The following SLMAP variants were observed in gnomAD, a reference collection of about 807,000 sequenced individuals.
The protein encoded by SLMAP is sarcolemma associated protein.
In SLMAP, 44 loss-of-function variants were observed where a neutral mutation model predicts 128.8. That is an observed-to-expected ratio of 0.34 (90% CI 0.27 to 0.44). SLMAP has a LOEUF of 0.44. Among genes scored for constraint, SLMAP ranks in the 20% least tolerant of loss-of-function variants. The probability of loss-of-function intolerance (pLI) is 1.00; values close to 1 mark genes in which losing one functional copy is unlikely to be tolerated. For missense variants in SLMAP, 787 were observed against 985.3 expected (o/e 0.80, Z 2.69); for synonymous variants, 327 against 348.8 (o/e 0.94, Z 0.70).
intron 23 of SLMAP, 55 bp downstream of exon 23, chr3:57,923,078 A>G: frequency 6.4e-7 from 1 of 1,555,296 alleles, no homozygotes; most frequent in East Asian, 2.3e-5. Context: ...GAGAGATTGA[A>G]ATTGATTTTC....
chr3:57,925,818 G>T (rs906680093), intron 23 of SLMAP, 27 bp from the exon 24 acceptor site: 1 of 1,486,926 alleles, frequency 6.7e-7, no homozygotes, highest in Non-Finnish European at 9.2e-7. Context: ...AGCATAAAAT[G>T]ATTTTAATAT....
chr3:57,799,636 A>G lies in SLMAP; in HGVS notation c.199-31747A>G, dbSNP rs188700124. Among the ~76,000 whole-genome samples the G allele has an allele frequency of 1.6e-3, 240 of 152,272 alleles. 1 individual carries two copies. The highest frequency in any genetic ancestry group is 2.2e-3 in the Non-Finnish European group (149 of 68,028). ...AGTTAAAATTTCCATTTTTTAATAT[A>G]TAAGAGGCTGATAACATGTTTGCTT... is the stretch of plus-strand genomic sequence containing the variant. On this transcript the variant is annotated intron_variant, in intron 2 of 24. Coordinates refer to ENST00000671191, the MANE Select transcript of SLMAP (RefSeq NM_001377540.1).
At chr3:57,862,932 G>C (rs2095154393) in intron 10 of SLMAP, among the ~76,000 whole-genome samples, 1 of 152,174 alleles carries the variant, frequency 6.6e-6, no homozygotes, top group Admixed American at 6.6e-5. Context: ...TGTAAATGCT[G>C]ACATAGTTCC....
At chr3:57,818,793 C>A (rs1036994881) in intron 2 of SLMAP, among the ~76,000 whole-genome samples, 11 of 152,168 alleles carry the variant, frequency 7.2e-5, no homozygotes, top group South Asian at 2.1e-4. Flanking sequence ...GCTCCAAAAA[C>A]TTCCTAGGGA....
chr3:57,892,276 C>T (rs1338683556), intron 15 of SLMAP, among the ~76,000 whole-genome samples: 1 of 152,152 alleles, frequency 6.6e-6, no homozygotes, highest in Non-Finnish European at 1.5e-5. Context: ...CTGAAAATAG[C>T]AGTTGCCATA....
intron 2 of SLMAP, among the ~76,000 whole-genome samples, chr3:57,792,947 G>A (rs2085849954): frequency 2.0e-5 from 3 of 151,970 alleles, no homozygotes; most frequent in Admixed American, 2.0e-4. Context: ...GACCAGCCTG[G>A]GCAACATGGC....
At chr3:57,871,873 G>A (rs1227260621) in intron 14 of SLMAP, among the ~76,000 whole-genome samples, 175 bp downstream of exon 14, 1 of 152,190 alleles carries the variant, frequency 6.6e-6, no homozygotes, top group Non-Finnish European at 1.5e-5. Context: ...AAGTATTTCT[G>A]TTGCATTTGC....
At chr3:57,926,640 A>G (rs2097014647) in intron 24 of SLMAP, among the ~76,000 whole-genome samples, 2 of 152,254 alleles carry the variant, frequency 1.3e-5, no homozygotes, top group Admixed American at 1.3e-4. Flanking sequence ...AAAAGCTAGC[A>G]GGCAACAGCC....
chr3:57,859,062 G>A (rs1280181460), intron 8 of SLMAP, among the ~76,000 whole-genome samples: 1 of 152,152 alleles, frequency 6.6e-6, no homozygotes, highest in Non-Finnish European at 1.5e-5. Context: ...AGTGGCTCAT[G>A]CCTGTAATCC....
chr3:57,778,570 C>CTTTTTTTTTTTTTTTTTTTTTTT (rs1171049495), intron 2 of SLMAP, among the ~76,000 whole-genome samples: 2 of 115,126 alleles, frequency 1.7e-5, no homozygotes, highest in African/African-American at 3.1e-5. Context: ...TTCTTTCTTT[C>CTTTTTTTTTTTTTTTTTTTTTTT]TTTTTTTTTT....
At chr3:57,843,094 G>C (rs1454637644) in intron 4 of SLMAP, among the ~76,000 whole-genome samples, 1 of 152,070 alleles carries the variant, frequency 6.6e-6, no homozygotes, top group South Asian at 2.1e-4. Flanking sequence ...TTCTATTACT[G>C]TAAACTAATT....
At chr3:57,882,228 G>A (rs763588193) in intron 14 of SLMAP, among the ~76,000 whole-genome samples, 21 of 152,174 alleles carry the variant, frequency 1.4e-4, no homozygotes, top group Admixed American at 5.2e-4. Flanking sequence ...TAACTGTTGG[G>A]GTTATTAGAA....
chr3:57,821,930 C>T (rs1265524782), intron 2 of SLMAP, among the ~76,000 whole-genome samples: 1 of 151,936 alleles, frequency 6.6e-6, no homozygotes, highest in African/African-American at 2.4e-5. Context: ...CCTCCTCCTC[C>T]TCCTCCTCCT....
At chr3:57,913,119 T>C (rs1439673322) in intron 20 of SLMAP, 39 bp from the exon 21 acceptor site, 2 of 943,072 alleles carry the variant, frequency 2.1e-6, no homozygotes, top group Non-Finnish European at 3.4e-6. Context: ...ATGGAAGTTA[T>C]ATTTCTGTAT....
Position 57,922,989 on chromosome 3 carries a change from A to G in SLMAP, c.2411A>G (p.Asn804Ser). The G allele has an allele frequency of 6.2e-7, 1 of 1,614,004 alleles. No homozygotes were observed. Among genetic ancestry groups the G allele is most frequent in the East Asian group, 2.2e-5 (1 of 44,866 alleles). Residue 804 changes from asparagine to serine, a missense_variant, in exon 23 of 25, where the codon AAC (asparagine) becomes AGC (serine). Coordinates refer to ENST00000671191, the MANE Select transcript of SLMAP (RefSeq NM_001377540.1). Reference sequence around the variant, plus strand: ...ACAGATGAGCTCAAACAGTGTAAAAACAACCTGAAGCTGCTCCGAGAGAAA... The same window carrying G: ...ACAGATGAGCTCAAACAGTGTAAAAGCAACCTGAAGCTGCTCCGAGAGAAA... ...SITDELKQCK[N>S]NLKLLREKGN...
chr3:57,818,954 A>C (rs1468652197), intron 2 of SLMAP, among the ~76,000 whole-genome samples: 1 of 152,224 alleles, frequency 6.6e-6, no homozygotes, highest in Non-Finnish European at 1.5e-5. Context: ...GGATATCATG[A>C]GAGGTGTTTG....
chr3:57,929,895 G>T lies in SLMAP; in HGVS notation c.*2606G>T, dbSNP rs1332184243. 6.6e-6 allele frequency among the ~76,000 whole-genome samples: 1 copy of T among 152,144 alleles called. No homozygotes were observed. The highest frequency in any genetic ancestry group is 2.4e-5 in the African/African-American group (1 of 41,418). On this transcript the variant is annotated 3_prime_UTR_variant, in exon 25 of 25. Coordinates refer to ENST00000671191, the MANE Select transcript of SLMAP (RefSeq NM_001377540.1). Reference sequence around the variant, plus strand: ...ATGTATGTGAAGTACCATTCGAGTGGTGAATACGTTTTTATGAGAATGTCA... The same window carrying T: ...ATGTATGTGAAGTACCATTCGAGTGTTGAATACGTTTTTATGAGAATGTCA...
chr3:57,898,876 T>C (rs1173500081), intron 17 of SLMAP: 5 of 152,224 alleles, frequency 3.3e-5, no homozygotes, highest in African/African-American at 1.2e-4. Context: ...GGTTTTTTCA[T>C]GTATTAGACT....
intron 4 of SLMAP, among the ~76,000 whole-genome samples, chr3:57,844,595 G>A (rs960530446): frequency 2.6e-5 from 4 of 151,242 alleles, no homozygotes; most frequent in South Asian, 2.1e-4. Flanking sequence ...ATGTGTTGCC[G>A]GATTTTTAGC....
Sources: gnomAD v4.1 joint callset for allele counts (sites outside exome capture counted in the v4.1 genomes callset) on GRCh38, gnomAD v4.1.1 for gene constraint, MANE v1.5 for transcripts, NCBI Gene and HGNC (gene_info 2026-07-23, HGNC 2026-07-21) for gene names.